SFXN4: variants seen among roughly 807,000 people sequenced by gnomAD.
The protein encoded by SFXN4 is sideroflexin 4.
Under a neutral mutation model 54.6 loss-of-function variants are expected in SFXN4, and 48 were observed. That is an observed-to-expected ratio of 0.88 (90% CI 0.70 to 1.12). The LOEUF (loss-of-function observed/expected upper bound fraction) is 1.12, where lower values mean the gene tolerates loss of function less well. SFXN4 is among the 50% of genes most tolerant of loss of function. The pLI, the probability that SFXN4 is intolerant of heterozygous loss-of-function variation, is 0.00. For missense variants in SFXN4, 383 were observed against 409.2 expected, an observed-to-expected ratio of 0.94 and a Z score of 0.55; for synonymous variants, 130 against 145.5, an observed-to-expected ratio of 0.89 and a Z score of 0.77.
chr10:119,153,426 GAAAA>G (rs1847154462), intron 11 of SFXN4, among the ~76,000 whole-genome samples: 6 of 149,530 alleles, frequency 4.0e-5, no homozygotes, highest in Admixed American at 4.0e-4. Context: ...AGAAAGAAAA[GAAAA>G]AGAAAGAAGA....
Position 119,140,921 on chromosome 10 carries a change from T to A in SFXN4, c.*321A>T, listed in dbSNP as rs1846493419. 1 of 228,630 alleles carries A rather than the reference T, an allele frequency of 4.4e-6. No individual in the cohort carries two copies. Among genetic ancestry groups the A allele is most frequent in the Middle Eastern group, 1.5e-3 (1 of 670 alleles). The allele number at this position is 228,630 out of a possible 1,614,324, so 14.2% of individuals were successfully genotyped here. ...GCACGGTGGACTCTGTGTTCTTTCT[T>A]CAAATCCTCAACTTGAGACAGGTTT... is the stretch of plus-strand genomic sequence containing the variant. On this transcript the variant is annotated 3_prime_UTR_variant, in exon 14 of 14. Transcript: ENST00000355697.
chr10:119,156,419 A>G (rs1389072886), intron 10 of SFXN4, among the ~76,000 whole-genome samples: 2 of 152,042 alleles, frequency 1.3e-5, no homozygotes, highest in African/African-American at 4.8e-5. Context: ...ACAGAGCAAG[A>G]CTCCGTCTCA....
At chr10:119,150,079 G>T (rs1295761334) in intron 11 of SFXN4, among the ~76,000 whole-genome samples, 1 of 152,126 alleles carries the variant, frequency 6.6e-6, no homozygotes, top group African/African-American at 2.4e-5. Flanking sequence ...ACCTTCCAGG[G>T]ACAGGGAAGT....
At position 119,157,857 on chromosome 10, in the gene SFXN4, C is replaced by A; in HGVS notation, c.471+14G>T. ...ACACAAAACCCCACACTCTCTGGGT[C>A]TCATAATACTCACGTAACTTCTGTT... On this transcript the variant is annotated intron_variant, in intron 8 of 13. Coordinates refer to ENST00000355697, the MANE Select transcript of SFXN4 (RefSeq NM_213649.2). 1 of 1,614,032 alleles carries A rather than the reference C, an allele frequency of 6.2e-7. No homozygotes were observed. The highest frequency in any genetic ancestry group is 1.1e-5 in the South Asian group (1 of 91,072).
At position 119,156,645 on chromosome 10, in the gene SFXN4, C is replaced by A. The variant is rs1470079382; in HGVS notation, c.616+33G>T. 3 of 1,544,028 alleles carry A rather than the reference C, an allele frequency of 1.9e-6. No individual in the cohort carries two copies. In the Admixed American group the frequency reaches 5.2e-5, roughly 27 times the overall value. On this transcript the variant is annotated intron_variant, in intron 10 of 13. Transcript: ENST00000355697. ...GCTCACAGACCACAAAGACACCCCACCCAGACTGCAGCCTCCAGCCCTTCC... is the reference window on the plus strand; with the variant it reads ...GCTCACAGACCACAAAGACACCCCAACCAGACTGCAGCCTCCAGCCCTTCC...
intron 13 of SFXN4, among the ~76,000 whole-genome samples, chr10:119,142,799 T>C (rs1463461430): frequency 6.7e-6 from 1 of 148,276 alleles, no homozygotes; most frequent in Admixed American, 6.9e-5. Flanking sequence ...TGGCGCGATC[T>C]CGGCTCACCG....
intron 13 of SFXN4, among the ~76,000 whole-genome samples, chr10:119,143,773 G>A (rs982674072): frequency 6.6e-6 from 1 of 152,036 alleles, no homozygotes; most frequent in African/African-American, 2.4e-5. Flanking sequence ...CACAGCACCC[G>A]ACCTAATTTT....
At chr10:119,145,631 T>C (rs1475287594) in intron 13 of SFXN4, among the ~76,000 whole-genome samples, 2 of 151,988 alleles carry the variant, frequency 1.3e-5, no homozygotes, top group African/African-American at 4.8e-5. Flanking sequence ...TTCTATTTTC[T>C]CTAGTTTATT....
chr10:119,165,583 G>C lies in SFXN4; in HGVS notation c.65C>G (p.Pro22Arg). ...GRLLGRRDAV[P>R]AFIEPNVRFW... ...GCGCACGTTGGGCTCAATGAAGGCG[G>C]GGACGGCGTCTCTGCGTCCTAGGAG... is the stretch of plus-strand genomic sequence containing the variant. Residue 22 changes from proline to arginine, a missense_variant, in exon 1 of 14, where the codon CCC becomes CGC. By Grantham distance (103) the Pro-to-Arg change is moderately radical. Coordinates refer to ENST00000355697, the MANE Select transcript of SFXN4 (RefSeq NM_213649.2). The C allele has an allele frequency of 1.3e-6, 2 of 1,594,078 alleles. No individual in the cohort carries two copies. Among genetic ancestry groups the C allele is most frequent in the Non-Finnish European group, 1.7e-6 (2 of 1,171,978 alleles).
At chr10:119,154,347 G>T (rs1847193362) in intron 11 of SFXN4, among the ~76,000 whole-genome samples, 1 of 152,184 alleles carries the variant, frequency 6.6e-6, no homozygotes, top group African/African-American at 2.4e-5. Flanking sequence ...CTGCCCTGCA[G>T]ATTCCCACAA....
chr10:119,148,066 G>A (rs527691149), intron 11 of SFXN4, among the ~76,000 whole-genome samples: 1 of 152,226 alleles, frequency 6.6e-6, no homozygotes, highest in African/African-American at 2.4e-5. Context: ...CAGCTACTTA[G>A]GAGACTGAGA....
rs767032561 is a variant in SFXN4 at position 119,158,102 on chromosome 10, G to C, written c.361-40C>G. The C allele has an allele frequency of 3.8e-6, 6 of 1,592,940 alleles. No individual in the cohort carries two copies. In the African/African-American group the frequency reaches 6.7e-5, roughly 18 times the overall value. Reference sequence around the variant, plus strand: ...GTGGAACAGAGTTACAAGTGTTGCTGTGGAAGGAGAACTTGCAGTAGCAAA... The same window carrying C: ...GTGGAACAGAGTTACAAGTGTTGCTCTGGAAGGAGAACTTGCAGTAGCAAA... On this transcript the variant is annotated intron_variant, in intron 6 of 13. Coordinates refer to ENST00000355697, the MANE Select transcript of SFXN4 (RefSeq NM_213649.2).
chr10:119,155,246 T>G, intron 10 of SFXN4, 69 bp from the exon 11 acceptor site: 1 of 1,073,476 alleles, frequency 9.3e-7, no homozygotes, highest in Non-Finnish European at 1.4e-6. Flanking sequence ...GGAACATCTC[T>G]TTGGGTGTCT....
In SFXN4 at chr10:119,165,650, T is replaced by A. The variant is rs1029235090; in HGVS notation, c.-3A>T. On this transcript the variant is annotated 5_prime_UTR_variant, in exon 1 of 14. Transcript: ENST00000355697. ...TCCTCCTCCTGTTCCAGGGACATTT[T>A]GCGCTGGTTAGAGTGGCCGCCGCCG... The A allele has an allele frequency of 1.3e-5, 20 of 1,580,546 alleles. No individual in the cohort carries two copies. The highest frequency in any genetic ancestry group is 1.5e-5 in the Non-Finnish European group (18 of 1,166,852).
Position 119,156,112 on chromosome 10 carries a change from C to T in SFXN4, c.616+566G>A, listed in dbSNP as rs531389373. Among the ~76,000 whole-genome samples the T allele has an allele frequency of 6.6e-4, 101 of 152,162 alleles. 1 individual carries two copies. In the South Asian group the frequency reaches 0.012, roughly 18 times the overall value. On this transcript the variant is annotated intron_variant, in intron 10 of 13. Coordinates refer to ENST00000355697, the MANE Select transcript of SFXN4 (RefSeq NM_213649.2). ...ATTAAGTAAAATAATGTAAGTAGAACGTTTACACAGATAATCTTTAAAATG... is the reference window on the plus strand; with the variant it reads ...ATTAAGTAAAATAATGTAAGTAGAATGTTTACACAGATAATCTTTAAAATG...
At chr10:119,160,868 GA>G in intron 5 of SFXN4, 46 bp downstream of exon 5, 1 of 1,597,376 alleles carries the variant, frequency 6.3e-7, no homozygotes, top group Admixed American at 1.7e-5. Flanking sequence ...CTAAGTGTTA[GA>G]AACTACATCT....
chr10:119,160,460 G>A (rs1426372897), intron 5 of SFXN4, among the ~76,000 whole-genome samples: 1 of 148,422 alleles, frequency 6.7e-6, no homozygotes, highest in African/African-American at 2.5e-5. Flanking sequence ...AGGTTGTAGT[G>A]AGCCGAGATT....
intron 13 of SFXN4, among the ~76,000 whole-genome samples, chr10:119,144,867 C>G (rs548392830): frequency 1.6e-4 from 24 of 152,242 alleles, no homozygotes; most frequent in Non-Finnish European, 2.9e-4. Context: ...TAGCTCATGG[C>G]TACCATAATT....
At position 119,165,559 on chromosome 10, in the gene SFXN4, C is replaced by T. The variant is rs769692254; in HGVS notation, c.89G>A (p.Arg30His). The change falls in exon 1 of 14, where the codon CGC becomes CAC. Residue 30 changes from arginine to histidine, a missense_variant. Transcript: ENST00000355697. ...TACTTGGCGCTCGGTGATCCAGAAGCGCACGTTGGGCTCAATGAAGGCGGG... is the reference window on the plus strand; with the variant it reads ...TACTTGGCGCTCGGTGATCCAGAAGTGCACGTTGGGCTCAATGAAGGCGGG... ...AVPAFIEPNV[R>H]FWITERQSFI... The T allele has an allele frequency of 5.0e-6, 8 of 1,588,766 alleles. No homozygotes were observed. The South Asian group carries it at 5.5e-5, about 11-fold the overall frequency.
Sources: allele counts gnomAD v4.1 joint callset (sites outside exome capture counted in the v4.1 genomes callset), GRCh38; gene constraint gnomAD v4.1.1; transcripts MANE v1.5; gene names NCBI Gene and HGNC (gene_info 2026-07-23, HGNC 2026-07-21).